The following ABCB5 variants were observed in gnomAD, a reference collection of about 807,000 sequenced individuals.
ABCB5 encodes ATP-binding cassette sub-family B member 5.
ABCB5 carries 155 observed loss-of-function variants against 144.2 expected under a neutral mutation model. The observed-to-expected ratio is 1.08, with a 90% CI of 0.94 to 1.23. The LOEUF (loss-of-function observed/expected upper bound fraction) is 1.23, where lower values mean the gene tolerates loss of function less well. Ranked by LOEUF, ABCB5 falls within the 50% of genes most tolerant of loss-of-function variation. The pLI, the probability that ABCB5 is intolerant of heterozygous loss-of-function variation, is 0.00. For synonymous variants in ABCB5, 610 were observed against 528.6 expected (o/e 1.15, Z -2.11); for missense variants, 1,830 against 1,520.8 (o/e 1.20, Z -3.38).
rs912453982 is a variant in ABCB5, at chr7:20,658,445, T to G, written c.1537-61T>G. ...AAACACAACTGGGATTGTCATTTCC[T>G]GTTCTAACCATTTGATCACGCTGCC... On this transcript the variant is annotated intron_variant, in intron 13 of 27. Transcript: ENST00000404938. 73 of 1,530,708 alleles carry G rather than the reference T, an allele frequency of 4.8e-5. No homozygotes were observed. In the Admixed American group the frequency reaches 1.3e-3, roughly 28 times the overall value. 94.8% of individuals were successfully genotyped at this position (1,530,708 alleles called of 1,614,324 possible).
chr7:20,726,034 A>G (rs1782024924), intron 21 of ABCB5, among the ~76,000 whole-genome samples: 1 of 152,208 alleles, frequency 6.6e-6, no homozygotes, highest in African/African-American at 2.4e-5. Flanking sequence ...ACAGAATGTG[A>G]AAACAGGAAG....
Position 20,753,583 on chromosome 7 carries a change from T to C in ABCB5, c.3576+77T>C, listed in dbSNP as rs1782997914. ...ATAACATGGAGGAAACCAAGGTAAGTTTGGAAAAACAAAGGCCTGGAAAGA... is the reference window on the plus strand; with the variant it reads ...ATAACATGGAGGAAACCAAGGTAAGCTTGGAAAAACAAAGGCCTGGAAAGA... On this transcript the variant is annotated intron_variant, in intron 27 of 27. Coordinates refer to ENST00000404938, the MANE Select transcript of ABCB5 (RefSeq NM_001163941.2). 7 of 1,499,170 alleles carry C rather than the reference T, an allele frequency of 4.7e-6. No individual in the cohort carries two copies. The East Asian group carries it at 1.4e-4, about 30-fold the overall frequency. The allele number at this position is 1,499,170 out of a possible 1,614,324, so 92.9% of individuals were successfully genotyped here. A position where few individuals can be genotyped will look rare whatever the true frequency, so the allele number is the denominator to read the frequency against.
chr7:20,726,817 T>C (rs557015905), intron 21 of ABCB5, among the ~76,000 whole-genome samples: 7 of 152,346 alleles, frequency 4.6e-5, no homozygotes, highest in African/African-American at 1.7e-4. Flanking sequence ...CTTAGATCAG[T>C]AGACTAAATC....
chr7:20,616,169 G>T (rs1222332305), intron 1 of ABCB5, among the ~76,000 whole-genome samples: 2 of 152,164 alleles, frequency 1.3e-5, no homozygotes, highest in African/African-American at 4.8e-5. Context: ...CTGAGTAGCT[G>T]GGATTGCAGG....
chr7:20,736,951 A>G (rs1358464675), intron 23 of ABCB5, among the ~76,000 whole-genome samples: 1 of 152,072 alleles, frequency 6.6e-6, no homozygotes, highest in Non-Finnish European at 1.5e-5. Flanking sequence ...GCACTTTGGG[A>G]GGCCGAGGCA....
chr7:20,729,533 T>C (rs540520181), intron 23 of ABCB5, among the ~76,000 whole-genome samples: 1 of 152,224 alleles, frequency 6.6e-6, no homozygotes, highest in Non-Finnish European at 1.5e-5. Context: ...TTTGAAGTTC[T>C]GGTCACATAA....
rs1294218679 is a variant in ABCB5, at chr7:20,652,287, G to C, written c.1536+664G>C. ...CATTGCATAAGAAATGTGAAATCAG[G>C]CCGGGTGCGGTGGCTCACGCGTGTA... On this transcript the variant is annotated intron_variant, in intron 13 of 27. Coordinates refer to ENST00000404938, the MANE Select transcript of ABCB5 (RefSeq NM_001163941.2). Among the ~76,000 whole-genome samples the C allele has an allele frequency of 2.0e-5, 3 of 152,310 alleles. No individual in the cohort carries two copies. In the East Asian group the frequency reaches 5.8e-4, roughly 29 times the overall value.
At chr7:20,751,291 T>G (rs1032043988) in intron 26 of ABCB5, among the ~76,000 whole-genome samples, 2 of 151,976 alleles carry the variant, frequency 1.3e-5, no homozygotes, top group Non-Finnish European at 2.9e-5. Context: ...GCTAACATGG[T>G]GAAACCCCGT....
At chr7:20,654,516 A>C (rs1335132418) in intron 13 of ABCB5, among the ~76,000 whole-genome samples, 2 of 152,204 alleles carry the variant, frequency 1.3e-5, no homozygotes, top group African/African-American at 2.4e-5. Context: ...TGGCATTTAT[A>C]CGACATTCCA....
At chr7:20,704,944 T>A (rs892847478) in intron 20 of ABCB5, 137 bp downstream of exon 20, 3 of 519,174 alleles carry the variant, frequency 5.8e-6, no homozygotes, top group Non-Finnish European at 9.7e-6. Context: ...GTCTCACGGT[T>A]AACAGGTAAC....
chr7:20,617,579 C>G (rs561758717), intron 1 of ABCB5, among the ~76,000 whole-genome samples: 1 of 152,236 alleles, frequency 6.6e-6, no homozygotes, highest in Admixed American at 6.5e-5. Flanking sequence ...TCATGTTTCT[C>G]AAAATTTGAT....
At chr7:20,681,105 TTTCTTTCTTTCTTTC>T (rs1159393161) in intron 14 of ABCB5, among the ~76,000 whole-genome samples, 1 of 7,662 alleles carries the variant, frequency 1.3e-4, no homozygotes, top group African/African-American at 2.6e-4. Flanking sequence ...TCTTTCTTTC[TTTCTTTCTTTCTTTC>T]TTTCTTTTTC....
chr7:20,688,909 T>G (rs986297411), intron 16 of ABCB5, among the ~76,000 whole-genome samples: 1 of 151,746 alleles, frequency 6.6e-6, no homozygotes, highest in East Asian at 1.9e-4. Flanking sequence ...TAGGTGGGAA[T>G]TGAACAACGA....
chr7:20,753,297 A>C lies in ABCB5; in HGVS notation c.3430-63A>C. ...TGAAATATTTAGATGGTTCTCGCCC[A>C]CAGTTGCCATGCTAATTTAAATAAC... On this transcript the variant is annotated intron_variant, in intron 26 of 27. Coordinates refer to ENST00000404938, the MANE Select transcript of ABCB5 (RefSeq NM_001163941.2). The C allele has an allele frequency of 1.0e-5, 16 of 1,547,268 alleles. 1 individual carries two copies. The South Asian group carries it at 1.1e-4, about 11-fold the overall frequency.
chr7:20,628,387 T>G (rs1783956339), intron 3 of ABCB5, among the ~76,000 whole-genome samples: 1 of 152,182 alleles, frequency 6.6e-6, no homozygotes, highest in African/African-American at 2.4e-5. Context: ...ATGTGCCATA[T>G]TTTCTTAATC....
chr7:20,750,513 T>C (rs571119991), intron 26 of ABCB5, among the ~76,000 whole-genome samples: 43 of 152,330 alleles, frequency 2.8e-4, no homozygotes, highest in Middle Eastern at 3.4e-3. Flanking sequence ...CCTTTATTTA[T>C]ATTTATCCCA....
chr7:20,753,003 A>AT (rs1217896265), intron 26 of ABCB5, among the ~76,000 whole-genome samples: 10 of 152,368 alleles, frequency 6.6e-5, no homozygotes, highest in African/African-American at 1.7e-4. Context: ...ACTGCGAATC[A>AT]TTTTAACCTG....
chr7:20,646,265 T>A (rs890671197), intron 9 of ABCB5, 127 bp downstream of exon 9: 1 of 929,934 alleles, frequency 1.1e-6, no homozygotes, highest in Non-Finnish European at 1.6e-6. Flanking sequence ...TTTGTTTCCC[T>A]CAAATTATCT....
intron 20 of ABCB5, among the ~76,000 whole-genome samples, chr7:20,718,427 C>T (rs982476850): frequency 6.6e-6 from 1 of 152,170 alleles, no homozygotes; most frequent in Non-Finnish European, 1.5e-5. Flanking sequence ...AACACTTAAC[C>T]AGGCTACCTT....
Sources: gnomAD v4.1 joint callset for allele counts (sites outside exome capture counted in the v4.1 genomes callset) on GRCh38, gnomAD v4.1.1 for gene constraint, MANE v1.5 for transcripts, NCBI Gene and HGNC (gene_info 2026-07-23, HGNC 2026-07-21) for gene names.